Variants in SEMA3E observed in about 807,000 individuals in gnomAD.
The protein encoded by SEMA3E is semaphorin 3E.
Under a neutral mutation model 93.6 loss-of-function variants are expected in SEMA3E, and 49 were observed. The ratio of observed to expected loss-of-function variants is 0.52; its 90% CI spans 0.42 to 0.66. SEMA3E has a LOEUF of 0.66. Among genes scored for constraint, SEMA3E ranks in the 30% least tolerant of loss-of-function variants. The pLI, the probability that SEMA3E is intolerant of heterozygous loss-of-function variation, is 0.00. For synonymous variants in SEMA3E, 363 were observed against 330.7 expected (o/e 1.10, Z -1.06); for missense variants, 906 against 964.8 (o/e 0.94, Z 0.81).
Position 83,479,485 on chromosome 7 carries a change from TA to T in SEMA3E, c.277-10184del, listed in dbSNP as rs1309846497. ...TTCTAGAACTTAGTTAAGTAACACC[TA>T]AAAATATGTAATACTTCTATCCCTC... On this transcript the variant is annotated intron_variant, in intron 2 of 16. Transcript: ENST00000643230. Among the ~76,000 whole-genome samples the T allele has an allele frequency of 2.7e-4, 41 of 152,300 alleles. 1 individual carries two copies. The East Asian group carries it at 7.9e-3, about 29-fold the overall frequency.
chr7:83,608,446 C>CT (rs1200349814), intron 1 of SEMA3E, among the ~76,000 whole-genome samples: 2 of 151,944 alleles, frequency 1.3e-5, no homozygotes, highest in African/African-American at 2.4e-5. Context: ...AACTACTTTT[C>CT]TTTTTTTCAT....
At chr7:83,630,519 T>C (rs1019580042) in intron 1 of SEMA3E, among the ~76,000 whole-genome samples, 1 of 152,138 alleles carries the variant, frequency 6.6e-6, no homozygotes, top group Admixed American at 6.5e-5. Flanking sequence ...GGTACACAAA[T>C]TCATTTATGT....
intron 1 of SEMA3E, among the ~76,000 whole-genome samples, chr7:83,613,580 T>C (rs1562855394): frequency 1.3e-5 from 2 of 152,068 alleles, no homozygotes; most frequent in South Asian, 2.1e-4. Context: ...AAATAATTCA[T>C]ATTAGTATGA....
chr7:83,636,066 T>C (rs959113963), intron 1 of SEMA3E, among the ~76,000 whole-genome samples: 1 of 152,144 alleles, frequency 6.6e-6, no homozygotes, highest in African/African-American at 2.4e-5. Context: ...AAATTGGAAA[T>C]TGGGAGATCA....
chr7:83,551,669 A>T (rs905823467), intron 1 of SEMA3E, among the ~76,000 whole-genome samples: 3 of 152,186 alleles, frequency 2.0e-5, no homozygotes, highest in African/African-American at 4.8e-5. Flanking sequence ...ATACATGAAC[A>T]ATAACAGAAC....
intron 1 of SEMA3E, among the ~76,000 whole-genome samples, chr7:83,606,777 TA>T (rs34026764): frequency 0.021 from 3,074 of 146,902 alleles, 90 homozygotes; most frequent in African/African-American, 0.062. Context: ...AAAAAAAAAT[TA>T]AAAAAAAAAA....
At chr7:83,478,370 TA>T (rs1384719859) in intron 2 of SEMA3E, among the ~76,000 whole-genome samples, 2 of 152,138 alleles carry the variant, frequency 1.3e-5, no homozygotes, top group African/African-American at 4.8e-5. Flanking sequence ...AAATATGGCT[TA>T]AATATAAACA....
chr7:83,471,478 C>A (rs1382069904), intron 2 of SEMA3E, among the ~76,000 whole-genome samples: 1 of 151,864 alleles, frequency 6.6e-6, no homozygotes, highest in Non-Finnish European at 1.5e-5. Context: ...ATTGGCAGGT[C>A]GGGTAAATGC....
chr7:83,541,027 A>G (rs1413285282), intron 1 of SEMA3E, among the ~76,000 whole-genome samples: 1 of 152,192 alleles, frequency 6.6e-6, no homozygotes, highest in Non-Finnish European at 1.5e-5. Context: ...GATCCTCAAT[A>G]AAGGGACAAC....
At chr7:83,577,046 C>T (rs1792419654) in intron 1 of SEMA3E, among the ~76,000 whole-genome samples, 1 of 152,154 alleles carries the variant, frequency 6.6e-6, no homozygotes. Context: ...CTCCCTTATG[C>T]AATGTAAGAT....
At chr7:83,447,093 A>G (rs1789247256) in intron 4 of SEMA3E, among the ~76,000 whole-genome samples, 1 of 152,226 alleles carries the variant, frequency 6.6e-6, no homozygotes, top group Admixed American at 6.5e-5. Flanking sequence ...AGGAGATTGG[A>G]CTAGGATGAG....
chr7:83,492,905 A>G (rs1790414973), intron 1 of SEMA3E, among the ~76,000 whole-genome samples: 1 of 151,958 alleles, frequency 6.6e-6, no homozygotes, highest in East Asian at 1.9e-4. Context: ...AAAACATGAG[A>G]ATTAAAGTAT....
At chr7:83,522,813 G>C (rs1287294957) in intron 1 of SEMA3E, among the ~76,000 whole-genome samples, 1 of 151,952 alleles carries the variant, frequency 6.6e-6, no homozygotes, top group Non-Finnish European at 1.5e-5. Context: ...ATCCTTATTT[G>C]GTTCAGTGTC....
intron 2 of SEMA3E, among the ~76,000 whole-genome samples, chr7:83,470,205 T>C (rs1789863120): frequency 6.6e-6 from 1 of 152,218 alleles, no homozygotes; most frequent in Non-Finnish European, 1.5e-5. Flanking sequence ...AAGAAGAATA[T>C]ATCGAATTTT....
At chr7:83,494,733 T>G (rs1431661352) in intron 1 of SEMA3E, among the ~76,000 whole-genome samples, 1 of 151,972 alleles carries the variant, frequency 6.6e-6, no homozygotes, top group Non-Finnish European at 1.5e-5. Context: ...TTATTTAGTT[T>G]GTTCATGGCC....
chr7:83,632,585 G>A (rs1209412302), intron 1 of SEMA3E, among the ~76,000 whole-genome samples: 1 of 152,166 alleles, frequency 6.6e-6, no homozygotes, highest in Non-Finnish European at 1.5e-5. Context: ...CTTCCGCCAT[G>A]ATAGTGAGGC....
At position 83,490,140 on chromosome 7, in the gene SEMA3E, C is replaced by T; in HGVS notation, c.250G>A (p.Glu84Lys). 6.2e-7 allele frequency: 1 copy of T among 1,612,878 alleles called. No homozygotes were observed. Among genetic ancestry groups the T allele is most frequent in the Non-Finnish European group, 8.5e-7 (1 of 1,179,318 alleles). The change falls in exon 2 of 17, where the codon GAG becomes AAG. Residue 84 changes from glutamate to lysine, a missense_variant. Glu to Lys is a moderately conservative substitution (Grantham distance 56, BLOSUM62 1). Transcript: ENST00000643230. The stretch of plus-strand genomic sequence containing the variant: ...TCTTTATAGCCGTCACTGATTCTCT[C>T]CAAGCTGAGGGAATATACAAGGTCC... ...GRDLVYSLSL[E>K]RISDGYKEIH...
chr7:83,564,541 T>C (rs1424639189), intron 1 of SEMA3E, among the ~76,000 whole-genome samples: 3 of 152,244 alleles, frequency 2.0e-5, no homozygotes, highest in Non-Finnish European at 4.4e-5. Context: ...CATCAATACA[T>C]AACCCTAATC....
intron 1 of SEMA3E, among the ~76,000 whole-genome samples, chr7:83,623,123 T>C (rs78214213): frequency 0.046 from 7,067 of 152,260 alleles, 244 homozygotes; most frequent in Non-Finnish European, 0.069. Context: ...TACCAAAATA[T>C]CTTCTCATTT....
Sources: gnomAD v4.1 joint callset for allele counts (sites outside exome capture counted in the v4.1 genomes callset) on GRCh38, gnomAD v4.1.1 for gene constraint, MANE v1.5 for transcripts, NCBI Gene and HGNC (gene_info 2026-07-23, HGNC 2026-07-21) for gene names.